PTPRD: variants seen among roughly 807,000 people sequenced by gnomAD.
The protein encoded by PTPRD is receptor-type tyrosine-protein phosphatase delta.
In PTPRD, 34 loss-of-function variants were observed where a neutral mutation model predicts 214.5. The ratio of observed to expected loss-of-function variants is 0.16; its 90% CI spans 0.12 to 0.21. The LOEUF is 0.21. PTPRD is among the 10% of genes least tolerant of loss of function. The pLI, the probability that PTPRD is intolerant of heterozygous loss-of-function variation, is 1.00. For missense variants in PTPRD, 2,545 were observed against 2,398.7 expected (o/e 1.06, Z -1.27); for synonymous variants, 1,128 against 845.7 (o/e 1.33, Z -5.79).
chr9:10,361,138 A>G (rs1185816557), intron 2 of PTPRD, among the ~76,000 whole-genome samples: 1 of 152,144 alleles, frequency 6.6e-6, no homozygotes, highest in East Asian at 1.9e-4. Flanking sequence ...ATTGTCATTA[A>G]GACCCCTTAT....
chr9:8,991,427 T>C (rs2154347894), intron 11 of PTPRD, among the ~76,000 whole-genome samples: 1 of 152,250 alleles, frequency 6.6e-6, no homozygotes, highest in South Asian at 2.1e-4. Context: ...TCAGTAAATA[T>C]TTTTATGAAT....
chr9:9,176,398 A>ACTTTCT (rs2099924887), intron 10 of PTPRD, among the ~76,000 whole-genome samples: 1 of 152,106 alleles, frequency 6.6e-6, no homozygotes, highest in Non-Finnish European at 1.5e-5. Context: ...AAAACCATTC[A>ACTTTCT]CTTTCTCCTA....
At chr9:8,398,455 T>C (rs757167954) in intron 36 of PTPRD, among the ~76,000 whole-genome samples, 11 of 152,164 alleles carry the variant, frequency 7.2e-5, no homozygotes, top group Non-Finnish European at 5.9e-5. Flanking sequence ...TGAATAAATA[T>C]ATTTATGTTT....
At chr9:10,479,766 G>A (rs1478461444) in intron 2 of PTPRD, among the ~76,000 whole-genome samples, 2 of 151,880 alleles carry the variant, frequency 1.3e-5, no homozygotes, top group African/African-American at 4.8e-5. Flanking sequence ...GGCTGCAGTG[G>A]GCCTTGATTA....
At chr9:8,714,290 C>T (rs2098405029) in intron 12 of PTPRD, among the ~76,000 whole-genome samples, 1 of 143,976 alleles carries the variant, frequency 6.9e-6, no homozygotes, top group African/African-American at 2.6e-5. Flanking sequence ...TACCTTTCCC[C>T]TTTAACAGCT....
At chr9:8,776,589 G>A (rs2095486636) in intron 11 of PTPRD, among the ~76,000 whole-genome samples, 1 of 151,952 alleles carries the variant, frequency 6.6e-6, no homozygotes, top group Non-Finnish European at 1.5e-5. Flanking sequence ...ACTGCACCCA[G>A]CCTAAGAATA....
intron 4 of PTPRD, among the ~76,000 whole-genome samples, chr9:10,007,749 T>C (rs991521706): frequency 1.3e-5 from 2 of 151,952 alleles, no homozygotes; most frequent in African/African-American, 4.8e-5. Flanking sequence ...CTTCAGCATT[T>C]AAAAAAATAT....
intron 11 of PTPRD, among the ~76,000 whole-genome samples, chr9:8,990,340 A>G (rs1348182467): frequency 6.6e-6 from 1 of 152,196 alleles, no homozygotes; most frequent in Non-Finnish European, 1.5e-5. Flanking sequence ...TTTGGTGAAA[A>G]AGTTCATAGG....
chr9:10,098,703 A>G (rs1200879886), intron 3 of PTPRD, among the ~76,000 whole-genome samples: 1 of 151,676 alleles, frequency 6.6e-6, no homozygotes, highest in East Asian at 2.0e-4. Context: ...TCAGTTTTTA[A>G]TGTTCTAAAT....
chr9:10,111,384 G>A (rs1262024077), intron 3 of PTPRD, among the ~76,000 whole-genome samples: 6 of 148,198 alleles, frequency 4.0e-5, no homozygotes, highest in South Asian at 2.1e-4. Context: ...GACTACAGGC[G>A]CCCGCCACTA....
chr9:8,741,806 G>C (rs1036597468), intron 11 of PTPRD, among the ~76,000 whole-genome samples: 4 of 151,884 alleles, frequency 2.6e-5, no homozygotes, highest in Non-Finnish European at 5.9e-5. Flanking sequence ...GGCCAGGCTG[G>C]TGTCAAACTC....
At chr9:8,593,709 A>G (rs953665386) in intron 14 of PTPRD, among the ~76,000 whole-genome samples, 1 of 152,210 alleles carries the variant, frequency 6.6e-6, no homozygotes, top group African/African-American at 2.4e-5. Flanking sequence ...TAGATTTTCA[A>G]TGAAAGAGCT....
At chr9:9,466,252 T>C (rs1297788851) in intron 8 of PTPRD, among the ~76,000 whole-genome samples, 2 of 152,106 alleles carry the variant, frequency 1.3e-5, no homozygotes, top group African/African-American at 2.4e-5. Context: ...GAGGCTGCAG[T>C]GAGCTGTGAT....
Position 10,589,650 on chromosome 9 carries a change from A to T in PTPRD, c.-600+22748T>A, listed in dbSNP as rs140120399. 2.7e-3 allele frequency among the ~76,000 whole-genome samples: 405 copies of T among 152,056 alleles called. 3 individuals are homozygous for T. The highest frequency in any genetic ancestry group is 9.1e-3 in the African/African-American group (376 of 41,506). Reference sequence around the variant, plus strand: ...TGCCTCAACTATGAAAGAGGATAAAACCTTTGACCCAGCAAATTCCTGACA... The same window carrying T: ...TGCCTCAACTATGAAAGAGGATAAATCCTTTGACCCAGCAAATTCCTGACA... On this transcript the variant is annotated intron_variant, in intron 2 of 45. Coordinates refer to ENST00000381196, the MANE Select transcript of PTPRD (RefSeq NM_002839.4).
At chr9:9,871,763 G>A (rs923702841) in intron 5 of PTPRD, among the ~76,000 whole-genome samples, 9 of 152,210 alleles carry the variant, frequency 5.9e-5, no homozygotes, top group African/African-American at 1.9e-4. Flanking sequence ...GGGAGGAGAA[G>A]CTCATGGGCA....
chr9:9,324,596 T>C (rs1968782656), intron 9 of PTPRD, among the ~76,000 whole-genome samples: 1 of 152,206 alleles, frequency 6.6e-6, no homozygotes, highest in African/African-American at 2.4e-5. Context: ...TATTAGCCCT[T>C]TGACAGATAG....
intron 5 of PTPRD, among the ~76,000 whole-genome samples, chr9:9,891,810 G>C (rs1003723920): frequency 6.6e-6 from 1 of 152,102 alleles, no homozygotes; most frequent in Non-Finnish European, 1.5e-5. Context: ...GAAGAGTTCA[G>C]TTCAAGCTTT....
chr9:9,295,828 G>A (rs1952809297), intron 9 of PTPRD, among the ~76,000 whole-genome samples: 1 of 151,764 alleles, frequency 6.6e-6, no homozygotes, highest in African/African-American at 2.4e-5. Flanking sequence ...TCAGGGCTTC[G>A]AAGCATAATT....
chr9:8,545,362 G>T (rs541773287), intron 14 of PTPRD, among the ~76,000 whole-genome samples: 1 of 152,110 alleles, frequency 6.6e-6, no homozygotes, highest in Non-Finnish European at 1.5e-5. Flanking sequence ...GGGGTACCTG[G>T]ACTCCAGGAT....
Sources: gnomAD v4.1 joint callset for allele counts (sites outside exome capture counted in the v4.1 genomes callset) on GRCh38, gnomAD v4.1.1 for gene constraint, MANE v1.5 for transcripts, NCBI Gene and HGNC (gene_info 2026-07-23, HGNC 2026-07-21) for gene names.